EFR3B: variants seen among roughly 807,000 people sequenced by gnomAD.
EFR3B encodes protein EFR3 homolog B.
A neutral mutation model predicts 104.7 loss-of-function variants in EFR3B; 64 were observed. The observed-to-expected ratio is 0.61, with a 90% CI of 0.50 to 0.75. EFR3B has a LOEUF of 0.75. EFR3B is among the 30% of genes least tolerant of loss of function. The pLI, the probability that EFR3B is intolerant of heterozygous loss-of-function variation, is 0.00. For synonymous variants in EFR3B, 385 were observed against 417.9 expected (o/e 0.92, Z 0.96); for missense variants, 750 against 1,078.5 (o/e 0.70, Z 4.27).
rs1161026630 is a variant in EFR3B at position 25,114,926 on chromosome 2, C to T, written c.364-6747C>T. Among the ~76,000 whole-genome samples, 1 of 152,236 alleles carries T rather than the reference C, an allele frequency of 6.6e-6. No homozygotes were observed. Among genetic ancestry groups the T allele is most frequent in the Non-Finnish European group, 1.5e-5 (1 of 68,042 alleles). Reference sequence around the variant, plus strand: ...CCTGGCCGGGCGCAGTGGCTGACGCCTGTAATCCCAGCACTTTGGGAAGCC... The same window carrying T: ...CCTGGCCGGGCGCAGTGGCTGACGCTTGTAATCCCAGCACTTTGGGAAGCC... On this transcript the variant is annotated intron_variant, in intron 4 of 22. Coordinates refer to ENST00000403714, the MANE Select transcript of EFR3B (RefSeq NM_014971.2). The surrounding 1 kb of genome is among the most constrained non-coding windows in gnomAD (Gnocchi z 4.0).
chr2:25,096,602 G>A (rs510107), intron 3 of EFR3B, among the ~76,000 whole-genome samples: 55,597 of 151,850 alleles, frequency 0.37, 12,253 homozygotes, highest in Admixed American at 0.53. Context: ...CACCACCCCC[G>A]CCACACCTGC....
At chr2:25,055,724 C>T (rs753026272) in intron 1 of EFR3B, among the ~76,000 whole-genome samples, 5 of 152,258 alleles carry the variant, frequency 3.3e-5, no homozygotes, top group Non-Finnish European at 5.9e-5. Flanking sequence ...TAGAAAGGAA[C>T]GACTTACAAT....
chr2:25,133,547 C>A, intron 12 of EFR3B, 113 bp downstream of exon 12: 1 of 1,144,380 alleles, frequency 8.7e-7, no homozygotes, highest in Non-Finnish European at 1.3e-6. Context: ...TGCACAAATA[C>A]ACCCAGTCGG....
chr2:25,133,412 T>C lies in EFR3B; in HGVS notation c.1289T>C (p.Met430Thr), dbSNP rs1670436739. The change falls in exon 12 of 23, where the codon ATG becomes ACG. Residue 430 changes from methionine (M) to threonine (T), a missense_variant. By Grantham distance (81) the Met-to-Thr change is moderately conservative. Transcript: ENST00000403714. ...AATAGGAACCGTCTGACCCAGATTA[T>C]GCTGCTAAAATCCCTCCTGCAGGTG... ...GENRNRLTQI[M>T]LLKSLLQVST... 6.4e-7 allele frequency: 1 copy of C among 1,552,316 alleles called. No homozygotes were observed. Among genetic ancestry groups the C allele is most frequent in the Admixed American group, 2.0e-5 (1 of 51,000 alleles).
chr2:25,072,409 T>C (rs1328716144), intron 1 of EFR3B, among the ~76,000 whole-genome samples: 1 of 152,182 alleles, frequency 6.6e-6, no homozygotes, highest in Admixed American at 6.5e-5. Flanking sequence ...GCCTCCTGAA[T>C]AGCTGGAATT....
At chr2:25,126,135 C>T (rs1022345262) in intron 5 of EFR3B, among the ~76,000 whole-genome samples, 2 of 152,164 alleles carry the variant, frequency 1.3e-5, no homozygotes, top group African/African-American at 4.8e-5. Context: ...CTGCGGCTTG[C>T]GCATGGGCAG....
rs1320098578 is a variant in EFR3B at position 25,121,813 on chromosome 2, G to A, written c.485+19G>A. The A allele has an allele frequency of 1.9e-6, 3 of 1,551,672 alleles. No individual in the cohort carries two copies. The highest frequency in any genetic ancestry group is 2.6e-6 in the Non-Finnish European group (3 of 1,147,020). On this transcript the variant is annotated intron_variant, in intron 5 of 22. Transcript: ENST00000403714. ...AGACCAAGTGAGTAGGGGAAGGCAA[G>A]GGTAGTTGGTTCAGCTTACAGCAGA...
At chr2:25,129,238 T>C (rs1005069776) in intron 6 of EFR3B, among the ~76,000 whole-genome samples, 5 of 150,870 alleles carry the variant, frequency 3.3e-5, no homozygotes, top group African/African-American at 9.7e-5. Context: ...AAGGCCCACG[T>C]TGCTGTCCCA....
rs1553390785 is a variant in EFR3B at position 25,094,298 on chromosome 2, A to AAAAAAG, written c.212+1171_212+1172insAAGAAA. On this transcript the variant is annotated intron_variant, in intron 3 of 22. Coordinates refer to ENST00000403714, the MANE Select transcript of EFR3B (RefSeq NM_014971.2). The stretch of plus-strand genomic sequence containing the variant: ...AGACTGTCTCAAAAAAAAAAAAAAA[A>AAAAAAG]AAAGAAAAAAGAAACACTCAAAGTT... 7.0e-4 allele frequency among the ~76,000 whole-genome samples: 106 copies of AAAAAAG among 150,462 alleles called. 1 individual carries two copies. Among genetic ancestry groups the AAAAAAG allele is most frequent in the African/African-American group, 2.5e-3 (104 of 41,310 alleles).
intron 4 of EFR3B, among the ~76,000 whole-genome samples, chr2:25,113,539 G>C (rs919620450): frequency 2.0e-5 from 3 of 151,982 alleles, no homozygotes; most frequent in Non-Finnish European, 4.4e-5. Flanking sequence ...GTGGTGGCGG[G>C]CGCCTGTAGT....
chr2:25,153,647 A>G, intron 21 of EFR3B, 65 bp from the exon 22 acceptor site: 1 of 1,520,570 alleles, frequency 6.6e-7, no homozygotes, highest in South Asian at 1.2e-5. Flanking sequence ...GGACACCCTG[A>G]GCCAGCTGGC....
At chr2:25,121,926 C>A (rs1414251937) in intron 5 of EFR3B, 132 bp downstream of exon 5, 2 of 1,251,702 alleles carry the variant, frequency 1.6e-6, no homozygotes, top group Non-Finnish European at 2.2e-6. Context: ...TGTTGCCGGG[C>A]AGGTGGGCCA....
intron 4 of EFR3B, among the ~76,000 whole-genome samples, chr2:25,111,086 T>C (rs1292186777): frequency 1.3e-5 from 2 of 152,216 alleles, no homozygotes; most frequent in East Asian, 1.9e-4. Flanking sequence ...GAAAGTTTGA[T>C]TGGATGCAGG....
At chr2:25,079,434 A>G (rs974740517) in intron 1 of EFR3B, among the ~76,000 whole-genome samples, 1 of 152,184 alleles carries the variant, frequency 6.6e-6, no homozygotes, top group African/African-American at 2.4e-5. Flanking sequence ...AGGGCACTTA[A>G]CCTCTCTGAT....
Position 25,137,576 on chromosome 2 carries a change from A to G in EFR3B, c.1722+74A>G, listed in dbSNP as rs1670552715. The G allele has an allele frequency of 6.5e-7, 1 of 1,534,302 alleles. No homozygotes were observed. The highest frequency in any genetic ancestry group is 2.0e-5 in the Admixed American group (1 of 49,950). On this transcript the variant is annotated intron_variant, in intron 15 of 22. Transcript: ENST00000403714. The surrounding 1 kb of genome is among the most constrained non-coding windows in gnomAD (Gnocchi z 4.7). ...CTTGTTTTGGGCAAGCCCTGATAAG[A>G]GTATTGACTAGCAACTGCTTAACAC...
intron 4 of EFR3B, among the ~76,000 whole-genome samples, chr2:25,112,305 G>C (rs918463171): frequency 6.6e-6 from 1 of 152,268 alleles, no homozygotes; most frequent in Non-Finnish European, 1.5e-5. Context: ...CTTCCTGAGT[G>C]CAGTCCTTGG....
Position 25,136,585 on chromosome 2 carries a change from T to A in EFR3B, c.1547T>A (p.Val516Asp). 6.4e-7 allele frequency: 1 copy of A among 1,551,248 alleles called. No homozygotes were observed. Among genetic ancestry groups the A allele is most frequent in the Non-Finnish European group, 8.7e-7 (1 of 1,146,818 alleles). Reference protein sequence around the residue: ...KVDKCSRQDTVFMKKHSQQLY... With the variant: ...KVDKCSRQDTDFMKKHSQQLY... ...GACAAGTGCTCTCGACAGGACACCGTCTTCATGAAGAAGGTAAACAAGCAT... is the reference window on the plus strand; with the variant it reads ...GACAAGTGCTCTCGACAGGACACCGACTTCATGAAGAAGGTAAACAAGCAT... The change falls in exon 14 of 23, where the codon GTC becomes GAC. Residue 516 changes from valine to aspartate, a missense_variant. By Grantham distance (152) the Val-to-Asp change is radical. Coordinates refer to ENST00000403714, the MANE Select transcript of EFR3B (RefSeq NM_014971.2). This position sits in a 1 kb window ranked among gnomAD's most constrained non-coding sequence, Gnocchi z 4.0.
intron 1 of EFR3B, among the ~76,000 whole-genome samples, chr2:25,047,398 G>A (rs1445054316): frequency 6.6e-6 from 1 of 152,120 alleles, no homozygotes; most frequent in African/African-American, 2.4e-5. Flanking sequence ...TGACAGCAGT[G>A]TTTATCTCAT....
chr2:25,144,898 G>C lies in EFR3B; in HGVS notation c.2051-62G>C. The C allele has an allele frequency of 2.1e-6, 3 of 1,437,982 alleles. No homozygotes were observed. The South Asian group carries it at 3.7e-5, about 18-fold the overall frequency. 89.1% of individuals were successfully genotyped at this position (1,437,982 alleles called of 1,614,324 possible). The stretch of plus-strand genomic sequence containing the variant: ...GCAGAGGGGTAGGGAGGTGGGACTA[G>C]CAGCTCAGTCCTGGATCTCTGAGGG... On this transcript the variant is annotated intron_variant, in intron 18 of 22. Transcript: ENST00000403714.
Sources: gnomAD v4.1 joint callset for allele counts (sites outside exome capture counted in the v4.1 genomes callset) on GRCh38, gnomAD v4.1.1 for gene constraint, Gnocchi (gnomAD v3.1) non-coding constraint, MANE v1.5 for transcripts, NCBI Gene and HGNC (gene_info 2026-07-23, HGNC 2026-07-21) for gene names.